The following PLA2G4E variants were observed in gnomAD, a reference collection of about 807,000 sequenced individuals.
PLA2G4E encodes the protein phospholipase A2 group IVE.
In PLA2G4E, 84 loss-of-function variants were observed where a neutral mutation model predicts 109.1. The observed-to-expected ratio is 0.77, with a 90% confidence interval of 0.65 to 0.92. PLA2G4E has a LOEUF of 0.92. Ranked by LOEUF, PLA2G4E falls within the 40% of genes least tolerant of loss-of-function variation. The probability of loss-of-function intolerance (pLI) is 0.00; values close to 1 mark genes in which losing one functional copy is unlikely to be tolerated. For synonymous variants in PLA2G4E, 469 were observed against 436.1 expected, an observed-to-expected ratio of 1.08 and a Z score of -0.94; for missense variants, 1,057 against 1,076.6, an observed-to-expected ratio of 0.98 and a Z score of 0.25.
intron 11 of PLA2G4E, among the ~76,000 whole-genome samples, chr15:41,996,024 C>T (rs878871518): frequency 2.6e-5 from 4 of 152,068 alleles, no homozygotes; most frequent in Admixed American, 2.6e-4. Flanking sequence ...TCTGGGTCAG[C>T]AGAGGTTTAA....
At chr15:42,038,281 G>C (rs1339134724) in intron 1 of PLA2G4E, among the ~76,000 whole-genome samples, 3 of 152,200 alleles carry the variant, frequency 2.0e-5, no homozygotes, top group African/African-American at 7.2e-5. Context: ...TCCATGGATG[G>C]TGGGGGCAGG....
At chr15:41,989,024 C>T (rs988794547) in intron 15 of PLA2G4E, among the ~76,000 whole-genome samples, 8 of 152,168 alleles carry the variant, frequency 5.3e-5, no homozygotes, top group Non-Finnish European at 1.0e-4. Context: ...AGAACCGAGG[C>T]GCTTAGGGTG....
intron 13 of PLA2G4E, among the ~76,000 whole-genome samples, chr15:41,991,798 T>C (rs2068253181): frequency 6.6e-6 from 1 of 152,136 alleles, no homozygotes; most frequent in Non-Finnish European, 1.5e-5. Flanking sequence ...CCCGGACACC[T>C]TTGGAGTGGA....
exon 11 of PLA2G4E, chr15:41,997,248 A>T: frequency 1.3e-6 from 2 of 1,547,154 alleles, no homozygotes; most frequent in Non-Finnish European, 1.7e-6. Context: ...CCGCACGTCC[A>T]GTGTCTCAGG....
At chr15:42,009,932 G>T in intron 2 of PLA2G4E, 1 of 193,100 alleles carries the variant, frequency 5.2e-6, no homozygotes, top group Non-Finnish European at 1.1e-5. Flanking sequence ...TCCTCTCCTG[G>T]GGAGCACCCC....
chr15:41,986,950 C>A (rs569389937), intron 17 of PLA2G4E: 2 of 586,298 alleles, frequency 3.4e-6, no homozygotes, highest in Non-Finnish European at 6.1e-6. Context: ...AATGACTGTA[C>A]AGATGCAGTG....
intron 1 of PLA2G4E, among the ~76,000 whole-genome samples, chr15:42,028,403 A>ATTTCTTTATTTC (rs67875687): frequency 4.9e-4 from 71 of 145,036 alleles, no homozygotes; most frequent in East Asian, 1.4e-3. Context: ...TTATTTATTT[A>ATTTCTTTATTTC]TTTATTTATT....
At chr15:42,041,255 G>A (rs1326128576) in intron 1 of PLA2G4E, among the ~76,000 whole-genome samples, 1 of 152,046 alleles carries the variant, frequency 6.6e-6, no homozygotes, top group African/African-American at 2.4e-5. Context: ...TTTAATTTTT[G>A]TTGTTGTTAT....
chr15:42,049,877 C>T (rs1249681950), intron 1 of PLA2G4E, among the ~76,000 whole-genome samples: 4 of 152,226 alleles, frequency 2.6e-5, no homozygotes, highest in African/African-American at 4.8e-5. Flanking sequence ...AGAAACTGCA[C>T]GAGGCAGACC....
chr15:42,048,446 CAAAATTAAAATATT>C (rs1889452076), intron 1 of PLA2G4E, among the ~76,000 whole-genome samples: 1 of 152,118 alleles, frequency 6.6e-6, no homozygotes, highest in African/African-American at 2.4e-5. Flanking sequence ...TTACACATAT[CAAAATTAAAATATT>C]AAAATTAAAT....
intron 2 of PLA2G4E, among the ~76,000 whole-genome samples, chr15:42,008,355 G>A (rs2068498805): frequency 2.0e-5 from 3 of 152,204 alleles, no homozygotes; most frequent in Non-Finnish European, 4.4e-5. Context: ...GGCCCCAGTG[G>A]GCAAGGACTT....
intron 16 of PLA2G4E, among the ~76,000 whole-genome samples, 169 bp from the exon 17 acceptor site, chr15:41,987,544 G>A (rs768275022): frequency 1.5e-4 from 23 of 152,154 alleles, no homozygotes; most frequent in Non-Finnish European, 1.2e-4. Context: ...GGAGGATTCA[G>A]GTGAGAGACA....
intron 2 of PLA2G4E, among the ~76,000 whole-genome samples, chr15:42,009,405 A>T (rs866573483): frequency 2.6e-5 from 4 of 152,138 alleles, no homozygotes; most frequent in Admixed American, 1.3e-4. Context: ...GCCACTTCCC[A>T]GATAGGCTTC....
At chr15:41,983,594 CT>C (rs2068091913) in exon 20 of PLA2G4E, 1 of 645,948 alleles carries the variant, frequency 1.5e-6, no homozygotes, top group African/African-American at 1.8e-5. Flanking sequence ...ACTTTCTCAA[CT>C]TTTTAAAATT....
chr15:42,044,647 G>A lies in PLA2G4E; in HGVS notation c.183+5874C>T, dbSNP rs555100075. ...TGGGGCCTGTTGTGGGATGGGGGGA[G>A]GGGGGAGGGATAGCATTAGGAGATA... On this transcript the variant is annotated intron_variant, in intron 1 of 19. Coordinates refer to ENST00000399518, the Ensembl canonical transcript of PLA2G4E. 1.2e-3 allele frequency among the ~76,000 whole-genome samples: 149 copies of A among 129,346 alleles called. 2 individuals carry two copies. The highest frequency in any genetic ancestry group is 4.3e-3 in the African/African-American group (148 of 34,396). 84.9% of individuals were successfully genotyped at this position (129,346 alleles called of 152,430 possible).
chr15:41,984,666 TGGA>T (rs779045484), intron 18 of PLA2G4E, 47 bp from the exon 19 acceptor site: 3 of 1,481,536 alleles, frequency 2.0e-6, no homozygotes, highest in East Asian at 4.6e-5. Flanking sequence ...GGAGTGGGAG[TGGA>T]GGAGAAGCAC....
chr15:42,045,346 G>A (rs902456647), intron 1 of PLA2G4E, among the ~76,000 whole-genome samples: 1 of 152,208 alleles, frequency 6.6e-6, no homozygotes, highest in Non-Finnish European at 1.5e-5. Context: ...TGTGAAACCG[G>A]GAGGATGGGG....
intron 17 of PLA2G4E, chr15:41,986,864 T>C (rs1450551051): frequency 1.0e-5 from 4 of 400,912 alleles, no homozygotes; most frequent in Non-Finnish European, 1.4e-5. Flanking sequence ...CTGCAGAAAG[T>C]AAGACCCCCT....
intron 15 of PLA2G4E, 80 bp from the exon 16 acceptor site, chr15:41,988,236 A>AC (rs561000816): frequency 1.1e-4 from 69 of 618,322 alleles, no homozygotes; most frequent in Admixed American, 2.8e-4. Context: ...CACTCCCCCC[A>AC]CCCCCCCACC....
Sources: gnomAD v4.1 joint callset for allele counts (sites outside exome capture counted in the v4.1 genomes callset) on GRCh38, gnomAD v4.1.1 for gene constraint, MANE v1.5 for transcripts, NCBI Gene and HGNC (gene_info 2026-07-23, HGNC 2026-07-21) for gene names.